Variants in TENM1 observed in about 807,000 individuals in gnomAD.
TENM1 encodes teneurin-1.
In TENM1, 35 loss-of-function variants were observed where a neutral mutation model predicts 174.8. That is an observed-to-expected ratio of 0.20 (90% CI 0.15 to 0.27). The LOEUF (loss-of-function observed/expected upper bound fraction) is 0.27, where lower values mean the gene tolerates loss of function less well. Among genes scored for constraint, TENM1 ranks in the 10% least tolerant of loss-of-function variants. The pLI is 1.00. For synonymous variants in TENM1, 781 were observed against 798.7 expected (o/e 0.98, Z 0.37); for missense variants, 1,633 against 2,130.1 (o/e 0.77, Z 4.59).
chrX:124,590,452 G>A (rs2858403), intron 11 of TENM1, among the ~76,000 whole-genome samples: 17 of 108,993 alleles, frequency 1.6e-4, no homozygotes, highest in African/African-American at 5.3e-4. Context: ...CAAGGAGAAC[G>A]ACAAACCACT....
intron 6 of TENM1, among the ~76,000 whole-genome samples, chrX:124,660,722 A>G (rs760803177): frequency 1.4e-4 from 16 of 111,973 alleles, no homozygotes; most frequent in African/African-American, 5.2e-4. Flanking sequence ...ACAGACAATA[A>G]CAAGTGTAAG....
chrX:125,048,420 C>T, the TENM1 span, among the ~76,000 whole-genome samples: 3 of 109,961 alleles, frequency 2.7e-5, no homozygotes, highest in African/African-American at 9.9e-5. Flanking sequence ...GGCCATCACA[C>T]CTGGCCTCCA....
intron 11 of TENM1, among the ~76,000 whole-genome samples, chrX:124,622,468 G>A (rs890745842): frequency 3.6e-5 from 4 of 112,125 alleles, no homozygotes; most frequent in Non-Finnish European, 5.6e-5. Flanking sequence ...ACCCAAGCTA[G>A]AAATCAAAAC....
chrX:124,623,373 T>C (rs954729853), intron 11 of TENM1, among the ~76,000 whole-genome samples: 5 of 111,820 alleles, frequency 4.5e-5, no homozygotes, highest in Non-Finnish European at 9.4e-5. Flanking sequence ...GGTGTATGTG[T>C]GTTCGTGTAT....
At chrX:124,623,331 C>T (rs1421465892) in intron 11 of TENM1, among the ~76,000 whole-genome samples, 1 of 110,942 alleles carries the variant, frequency 9.0e-6, no homozygotes, top group Non-Finnish European at 1.9e-5. Flanking sequence ...TGTTTGGGTG[C>T]ATGTACATGA....
chrX:125,026,463 C>A, the TENM1 span, among the ~76,000 whole-genome samples: 1 of 111,767 alleles, frequency 8.9e-6, no homozygotes. Context: ...CAACATTTAT[C>A]AGATTTTTGA....
exon 32 of TENM1, chrX:124,379,622 T>C: frequency 8.9e-6 from 1 of 112,101 alleles, no homozygotes; most frequent in Non-Finnish European, 1.9e-5. Context: ...GAATCATACT[T>C]TTAAGTAAAT....
chrX:124,966,324 G>A (rs1255206560), upstream of TENM1, among the ~76,000 whole-genome samples: 1 of 111,483 alleles, frequency 9.0e-6, no homozygotes, highest in Admixed American at 9.5e-5. Flanking sequence ...TAACCCTCTT[G>A]CTGTTTGTGA....
At chrX:124,949,373 C>T (rs2058449363) in intron 1 of TENM1, among the ~76,000 whole-genome samples, 2 of 111,833 alleles carry the variant, frequency 1.8e-5, no homozygotes, top group African/African-American at 3.2e-5. Context: ...AACTGTTGAG[C>T]ACTTACTATA....
intron 15 of TENM1, among the ~76,000 whole-genome samples, chrX:124,539,533 T>C (rs1218831433): frequency 1.8e-5 from 2 of 112,149 alleles, no homozygotes; most frequent in Non-Finnish European, 3.8e-5. Flanking sequence ...TGTTCATACA[T>C]TTAAAGAGTG....
chrX:125,184,033 T>C, the TENM1 span, among the ~76,000 whole-genome samples: 1 of 112,067 alleles, frequency 8.9e-6, no homozygotes, highest in Non-Finnish European at 1.9e-5. Context: ...ATTACTAATA[T>C]AAGACTGAGA....
chrX:124,788,349 T>C (rs751966072), intron 3 of TENM1, among the ~76,000 whole-genome samples: 1 of 111,294 alleles, frequency 9.0e-6, no homozygotes, highest in Non-Finnish European at 1.9e-5. Flanking sequence ...TACCATTCTG[T>C]ACCTGGCCTC....
intron 14 of TENM1, among the ~76,000 whole-genome samples, chrX:124,548,366 G>A (rs1279545612): frequency 1.8e-5 from 2 of 110,925 alleles, no homozygotes; most frequent in Admixed American, 9.6e-5. Flanking sequence ...GCTTGCAGAG[G>A]TGAAGAGATA....
chrX:124,787,506 G>T (rs1271607359), intron 3 of TENM1, among the ~76,000 whole-genome samples: 1 of 111,116 alleles, frequency 9.0e-6, no homozygotes, highest in African/African-American at 3.3e-5. Flanking sequence ...GATATCCATT[G>T]CTTATGGTAT....
At chrX:124,900,073 C>G (rs1414197927) in intron 1 of TENM1, among the ~76,000 whole-genome samples, 1 of 112,534 alleles carries the variant, frequency 8.9e-6, no homozygotes, top group Non-Finnish European at 1.9e-5. Flanking sequence ...ATGAAAACTT[C>G]TGTCCAAAAC....
At chrX:124,637,743 T>C (rs184832876) in intron 11 of TENM1, among the ~76,000 whole-genome samples, 1 of 112,118 alleles carries the variant, frequency 8.9e-6, no homozygotes, top group Non-Finnish European at 1.9e-5. Context: ...TCTCTCTCTA[T>C]CTTTTAGCAT....
At chrX:125,138,576 A>G in the TENM1 span, among the ~76,000 whole-genome samples, 2 of 111,744 alleles carry the variant, frequency 1.8e-5, no homozygotes, top group Non-Finnish European at 3.8e-5. Context: ...TTGAAAGAAT[A>G]GAAACTGTAT....
chrX:124,797,227 G>A (rs1278863207), intron 3 of TENM1, among the ~76,000 whole-genome samples: 6 of 111,748 alleles, frequency 5.4e-5, no homozygotes, highest in African/African-American at 1.3e-4. Context: ...ACTGAAGTTC[G>A]TGCTGATGTG....
intron 2 of TENM1, 135 bp downstream of exon 5, chrX:124,895,846 T>C: frequency 1.4e-6 from 1 of 726,669 alleles, no homozygotes; most frequent in African/African-American, 2.1e-5. Flanking sequence ...GCCTTGTCCA[T>C]GAGTCCCTGC....
Sources: gnomAD v4.1 joint callset for allele counts (sites outside exome capture counted in the v4.1 genomes callset) on GRCh38, gnomAD v4.1.1 for gene constraint, MANE v1.5 for transcripts, NCBI Gene and HGNC (gene_info 2026-07-23, HGNC 2026-07-21) for gene names.